NUDCD1: variants seen among roughly 807,000 people sequenced by gnomAD.
NUDCD1 encodes NudC domain containing 1.
NUDCD1 carries 60 observed loss-of-function variants against 67.8 expected under a neutral mutation model. The observed-to-expected ratio is 0.88, with a 90% CI of 0.72 to 1.10. NUDCD1 has a LOEUF of 1.10. Ranked by LOEUF, NUDCD1 falls within the 50% of genes least tolerant of loss-of-function variation. The pLI is 0.00. For synonymous variants in NUDCD1, 244 were observed against 230.8 expected, an observed-to-expected ratio of 1.06 and a Z score of -0.52; for missense variants, 643 against 695.0, an observed-to-expected ratio of 0.93 and a Z score of 0.84.
At chr8:109,283,681 G>A (rs1239054935) in intron 5 of NUDCD1, among the ~76,000 whole-genome samples, 1 of 149,436 alleles carries the variant, frequency 6.7e-6, no homozygotes, top group Non-Finnish European at 1.5e-5. Context: ...TAAACTATAA[G>A]CTTCATAAGT....
At chr8:109,260,470 G>C (rs1372342629) in intron 8 of NUDCD1, among the ~76,000 whole-genome samples, 1 of 152,138 alleles carries the variant, frequency 6.6e-6, no homozygotes, top group Non-Finnish European at 1.5e-5. Flanking sequence ...TAAAGTCTGG[G>C]ATTATCGGCA....
intron 2 of NUDCD1, among the ~76,000 whole-genome samples, chr8:109,300,127 T>C (rs1428219153): frequency 2.0e-5 from 3 of 152,210 alleles, no homozygotes; most frequent in East Asian, 3.9e-4. Flanking sequence ...ACTTTCCCTC[T>C]GATAGAGCCT....
At chr8:109,292,781 T>C (rs1563674434) in intron 4 of NUDCD1, among the ~76,000 whole-genome samples, 2 of 152,080 alleles carry the variant, frequency 1.3e-5, no homozygotes, top group African/African-American at 2.4e-5. Context: ...AGTTAGAAGC[T>C]TGACAGACAG....
chr8:109,295,231 G>C (rs944290360), intron 3 of NUDCD1, among the ~76,000 whole-genome samples: 2 of 152,124 alleles, frequency 1.3e-5, no homozygotes, highest in African/African-American at 4.8e-5. Context: ...GGTTTGTCCT[G>C]TTCAAAATCT....
At chr8:109,277,274 AT>A (rs1435025027) in intron 6 of NUDCD1, among the ~76,000 whole-genome samples, 1 of 152,222 alleles carries the variant, frequency 6.6e-6, no homozygotes, top group Non-Finnish European at 1.5e-5. Flanking sequence ...GAAAAAATAT[AT>A]GTAAATAACT....
At chr8:109,273,544 A>G (rs1248810566) in intron 7 of NUDCD1, among the ~76,000 whole-genome samples, 1 of 152,180 alleles carries the variant, frequency 6.6e-6, no homozygotes, top group Non-Finnish European at 1.5e-5. Context: ...AACAAAAGGA[A>G]GAACATAATA....
intron 1 of NUDCD1, among the ~76,000 whole-genome samples, chr8:109,332,780 A>G (rs1049443780): frequency 1.1e-4 from 17 of 152,196 alleles, no homozygotes; most frequent in African/African-American, 4.1e-4. Context: ...GCAAAGAGGA[A>G]AAGGAAAAAA....
chr8:109,277,708 A>G (rs900703128), intron 6 of NUDCD1, among the ~76,000 whole-genome samples: 3 of 152,208 alleles, frequency 2.0e-5, no homozygotes, highest in Admixed American at 6.5e-5. Flanking sequence ...ATGTTGATGC[A>G]TTGAATGCTG....
intron 5 of NUDCD1, among the ~76,000 whole-genome samples, chr8:109,284,317 C>T (rs547745098): frequency 6.6e-6 from 1 of 152,240 alleles, no homozygotes; most frequent in African/African-American, 2.4e-5. Context: ...TATGGAAAGA[C>T]TTAGCCACAA....
intron 1 of NUDCD1, chr8:109,329,970 T>C: frequency 7.6e-7 from 1 of 1,321,488 alleles, no homozygotes; most frequent in Non-Finnish European, 9.8e-7. Context: ...GATTCTATAG[T>C]GTAGATTCTG....
At chr8:109,283,305 G>A (rs1445320363) in intron 5 of NUDCD1, among the ~76,000 whole-genome samples, 1 of 152,106 alleles carries the variant, frequency 6.6e-6, no homozygotes, top group Non-Finnish European at 1.5e-5. Context: ...ATCATGTAAA[G>A]TAACCAACCC....
intron 2 of NUDCD1, among the ~76,000 whole-genome samples, chr8:109,308,618 T>C (rs1815165567): frequency 6.6e-6 from 1 of 151,766 alleles, no homozygotes; most frequent in Non-Finnish European, 1.5e-5. Context: ...AAAATCCAAA[T>C]AAGCTCAGTA....
intron 2 of NUDCD1, chr8:109,313,802 T>C (rs1434476021): frequency 3.2e-6 from 3 of 947,100 alleles, no homozygotes; most frequent in Non-Finnish European, 4.4e-6. Flanking sequence ...AATACCTGGT[T>C]ATACATGACG....
intron 1 of NUDCD1, among the ~76,000 whole-genome samples, chr8:109,331,777 A>G (rs1586319099): frequency 6.6e-6 from 1 of 152,226 alleles, no homozygotes; most frequent in South Asian, 2.1e-4. Context: ...TCCACCTAGT[A>G]AACAGAAAAG....
chr8:109,253,680 T>C (rs552641589), intron 8 of NUDCD1, among the ~76,000 whole-genome samples: 4 of 152,356 alleles, frequency 2.6e-5, no homozygotes, highest in African/African-American at 7.2e-5. Context: ...TCCAGTACCA[T>C]TGTACTTTGC....
intron 6 of NUDCD1, among the ~76,000 whole-genome samples, chr8:109,277,492 TATA>T (rs1426371256): frequency 6.6e-6 from 1 of 151,430 alleles, no homozygotes; most frequent in Non-Finnish European, 1.5e-5. Flanking sequence ...CAATGCCAAA[TATA>T]ATAAACTACA....
chr8:109,315,390 T>A (rs1315975253), intron 2 of NUDCD1: 1 of 152,150 alleles, frequency 6.6e-6, no homozygotes, highest in African/African-American at 2.4e-5. Context: ...CCCTGAAATT[T>A]CATTAACCAG....
chr8:109,322,558 G>A, intron 1 of NUDCD1, 95 bp from the exon 2 acceptor site: 1 of 881,490 alleles, frequency 1.1e-6, no homozygotes, highest in Non-Finnish European at 1.8e-6. Flanking sequence ...AAAAATCACA[G>A]AATGCCAATC....
At chr8:109,313,685 C>T in intron 2 of NUDCD1, 1 of 417,710 alleles carries the variant, frequency 2.4e-6, no homozygotes, top group Admixed American at 2.8e-5. Flanking sequence ...CCCCACACTG[C>T]ATTTAATCTA....
Sources: allele counts gnomAD v4.1 joint callset (sites outside exome capture counted in the v4.1 genomes callset), GRCh38; gene constraint gnomAD v4.1.1; transcripts MANE v1.5; gene names NCBI Gene and HGNC (gene_info 2026-07-23, HGNC 2026-07-21).